CAST: variants seen among roughly 807,000 people sequenced by gnomAD.
The protein encoded by CAST is MIR583 host.
In CAST, 76 loss-of-function variants were observed where a neutral mutation model predicts 119.6. The observed-to-expected ratio is 0.64, with a 90% CI of 0.53 to 0.77. The LOEUF is 0.77. Among genes scored for constraint, CAST ranks in the 30% least tolerant of loss-of-function variants. The pLI, the probability that CAST is intolerant of heterozygous loss-of-function variation, is 0.00. For missense variants in CAST, 953 were observed against 946.5 expected (o/e 1.01, Z -0.09); for synonymous variants, 319 against 331.6 (o/e 0.96, Z 0.41).
chr5:96,097,830 C>T, the CAST span, among the ~76,000 whole-genome samples: 2 of 152,104 alleles, frequency 1.3e-5, no homozygotes, highest in African/African-American at 4.8e-5. Context: ...GATTTATATT[C>T]CTCTGGGTAT....
the CAST span, among the ~76,000 whole-genome samples, chr5:96,291,003 C>T: frequency 6.6e-6 from 1 of 152,214 alleles, no homozygotes; most frequent in Admixed American, 6.5e-5. Context: ...AAAACAGCCA[C>T]CATGTTCTGA....
chr5:96,592,298 G>A (rs1280335457), intron 1 of CAST, among the ~76,000 whole-genome samples: 1 of 152,006 alleles, frequency 6.6e-6, no homozygotes, highest in African/African-American at 2.4e-5. Context: ...CTGCTTGGGA[G>A]GCTGAGGCAG....
chr5:96,444,771 T>C, the CAST span, among the ~76,000 whole-genome samples: 1 of 152,212 alleles, frequency 6.6e-6, no homozygotes, highest in Non-Finnish European at 1.5e-5. Flanking sequence ...ATTTTTTGCT[T>C]TTTTTCCTGC....
chr5:96,138,094 T>C, the CAST span, among the ~76,000 whole-genome samples: 1 of 152,052 alleles, frequency 6.6e-6, no homozygotes, highest in Admixed American at 6.6e-5. Context: ...TCCTATGTTT[T>C]CTTTTAGAAG....
At position 96,741,581 on chromosome 5, in the gene CAST, G is replaced by A. The variant is rs1252940424; in HGVS notation, c.1098+1G>A. On this transcript the variant is annotated splice_donor_variant, in intron 15 of 31. Transcript: ENST00000675179. LOFTEE classifies it high-confidence loss of function. ...AGAGAAGAAAAGAAAGGTGGAGAAG[G>A]TATAGTCACAGTCTACCTGACAGCA... 2 of 1,606,938 alleles carry A rather than the reference G, an allele frequency of 1.2e-6. No individual in the cohort carries two copies. The highest frequency in any genetic ancestry group is 1.1e-5 in the South Asian group (1 of 90,882).
chr5:96,319,030 T>C, the CAST span: 1 of 152,306 alleles, frequency 6.6e-6, no homozygotes, highest in Non-Finnish European at 1.5e-5. Flanking sequence ...CTCATGGTTC[T>C]GCAGGCTGTA....
chr5:96,328,421 C>T, the CAST span, among the ~76,000 whole-genome samples: 3 of 135,312 alleles, frequency 2.2e-5, no homozygotes, highest in South Asian at 7.2e-4. Flanking sequence ...CTCTCTCTCT[C>T]TCTCTCTCTC....
At chr5:96,423,086 C>T in the CAST span, among the ~76,000 whole-genome samples, 1 of 152,190 alleles carries the variant, frequency 6.6e-6, no homozygotes, top group Non-Finnish European at 1.5e-5. Flanking sequence ...CTTCTCCCAA[C>T]ACATATACTT....
the CAST span, among the ~76,000 whole-genome samples, chr5:96,261,298 G>C: frequency 6.6e-6 from 1 of 152,192 alleles, no homozygotes; most frequent in Non-Finnish European, 1.5e-5. Flanking sequence ...AGAAAGCTAA[G>C]AGGCTGAAGA....
At chr5:96,605,001 C>T (rs1201319860) in intron 1 of CAST, among the ~76,000 whole-genome samples, 1 of 152,074 alleles carries the variant, frequency 6.6e-6, no homozygotes, top group East Asian at 1.9e-4. Context: ...TTTTAAGAGA[C>T]CCGGGACATA....
At chr5:96,141,563 C>T in the CAST span, among the ~76,000 whole-genome samples, 4 of 152,310 alleles carry the variant, frequency 2.6e-5, no homozygotes, top group Admixed American at 6.5e-5. Context: ...AAGGAGCAAA[C>T]GCGGACACCC....
chr5:96,360,505 G>C, the CAST span, among the ~76,000 whole-genome samples: 3 of 152,158 alleles, frequency 2.0e-5, no homozygotes. Context: ...ACCTTTGGAT[G>C]GGGTTTTGGT....
chr5:96,056,844 G>C, the CAST span, among the ~76,000 whole-genome samples: 1 of 152,064 alleles, frequency 6.6e-6, no homozygotes, highest in Non-Finnish European at 1.5e-5. Flanking sequence ...GGGGAGACTT[G>C]GTATAATCTC....
At chr5:96,021,526 A>G in the CAST span, among the ~76,000 whole-genome samples, 1 of 151,990 alleles carries the variant, frequency 6.6e-6, no homozygotes, top group Non-Finnish European at 1.5e-5. Flanking sequence ...GCTCACTGCA[A>G]GCTCCGCCTC....
the CAST span, among the ~76,000 whole-genome samples, chr5:96,417,710 A>G: frequency 6.6e-6 from 1 of 152,208 alleles, no homozygotes; most frequent in African/African-American, 2.4e-5. Context: ...GAATATTTTT[A>G]AAATCCCTTT....
chr5:96,371,939 A>T, the CAST span, among the ~76,000 whole-genome samples: 1 of 152,162 alleles, frequency 6.6e-6, no homozygotes, highest in African/African-American at 2.4e-5. Context: ...ATTCATATAA[A>T]CTCCTCTAGC....
the CAST span, among the ~76,000 whole-genome samples, chr5:96,323,360 T>C: frequency 1.3e-5 from 2 of 152,340 alleles, no homozygotes; most frequent in East Asian, 3.9e-4. Context: ...GAGAACATTG[T>C]CACTGAGGGG....
the CAST span, among the ~76,000 whole-genome samples, chr5:96,307,433 G>A: frequency 6.6e-6 from 1 of 152,050 alleles, no homozygotes; most frequent in Non-Finnish European, 1.5e-5. Context: ...TTTTAATTGG[G>A]GCATCTAGCC....
At chr5:96,084,828 T>A in the CAST span, among the ~76,000 whole-genome samples, 1 of 152,162 alleles carries the variant, frequency 6.6e-6, no homozygotes, top group African/African-American at 2.4e-5. Flanking sequence ...TAAACCTGAA[T>A]GTACCTGAAG....
Sources: gnomAD v4.1 joint callset for allele counts (sites outside exome capture counted in the v4.1 genomes callset) on GRCh38, gnomAD v4.1.1 for gene constraint, MANE v1.5 for transcripts, NCBI Gene and HGNC (gene_info 2026-07-23, HGNC 2026-07-21) for gene names.